The following B4GALNT3 variants were observed in gnomAD, a reference collection of about 807,000 sequenced individuals.
B4GALNT3 encodes the protein beta-1,4-N-acetylgalactosaminyltransferase 3.
B4GALNT3 carries 86 observed loss-of-function variants against 120.2 expected under a neutral mutation model. The ratio of observed to expected loss-of-function variants is 0.72; its 90% CI spans 0.60 to 0.86. The LOEUF (loss-of-function observed/expected upper bound fraction) is 0.86, where lower values mean the gene tolerates loss of function less well. Ranked by LOEUF, B4GALNT3 falls within the 40% of genes least tolerant of loss-of-function variation. The probability of loss-of-function intolerance (pLI) is 0.00; values close to 1 mark genes in which losing one functional copy is unlikely to be tolerated. For missense variants in B4GALNT3, 1,167 were observed against 1,298.9 expected (o/e 0.90, Z 1.56); for synonymous variants, 518 against 510.4 (o/e 1.01, Z -0.20).
At chr12:492,897 C>CAA (rs368327845) in intron 1 of B4GALNT3, among the ~76,000 whole-genome samples, 84 of 122,078 alleles carry the variant, frequency 6.9e-4, no homozygotes, top group Admixed American at 9.9e-4. Flanking sequence ...TGCACATATG[C>CAA]AAAAAAAAAA....
chr12:462,450 C>T (rs1009072018), intron 1 of B4GALNT3, among the ~76,000 whole-genome samples: 2 of 150,572 alleles, frequency 1.3e-5, no homozygotes, highest in African/African-American at 2.5e-5. Flanking sequence ...CTCTGTCTCC[C>T]GTGGGCCGCC....
chr12:502,545 AAGG>A (rs1299047534), intron 1 of B4GALNT3, among the ~76,000 whole-genome samples: 1 of 91,492 alleles, frequency 1.1e-5, no homozygotes, highest in Non-Finnish European at 2.1e-5. Context: ...TGGAAAGAGA[AAGG>A]AGAAACAGGC....
chr12:475,539 C>G (rs531320098), intron 1 of B4GALNT3, among the ~76,000 whole-genome samples: 2 of 152,230 alleles, frequency 1.3e-5, no homozygotes, highest in African/African-American at 4.8e-5. Flanking sequence ...TGGGCTTGGT[C>G]TTCCCTTGGG....
intron 1 of B4GALNT3, among the ~76,000 whole-genome samples, chr12:491,663 T>C (rs1946340807): frequency 6.6e-6 from 1 of 151,938 alleles, no homozygotes; most frequent in South Asian, 2.1e-4. Context: ...AAACTAGGAA[T>C]AGAGGGGAAC....
chr12:489,683 C>G (rs1024646547), intron 1 of B4GALNT3, among the ~76,000 whole-genome samples: 7 of 152,324 alleles, frequency 4.6e-5, no homozygotes, highest in African/African-American at 1.4e-4. Flanking sequence ...ACTTCAACAT[C>G]TCTCTAGAAA....
At chr12:492,842 A>T (rs996247781) in intron 1 of B4GALNT3, among the ~76,000 whole-genome samples, 6 of 152,134 alleles carry the variant, frequency 3.9e-5, no homozygotes, top group African/African-American at 1.4e-4. Context: ...TTGATAGAAA[A>T]GCAAAGACAT....
At chr12:514,858 G>A (rs145676080) in intron 1 of B4GALNT3, among the ~76,000 whole-genome samples, 7,814 of 151,858 alleles carry the variant, frequency 0.051, 460 homozygotes, top group African/African-American at 0.14. Flanking sequence ...GTGAAACCTC[G>A]TCTCCACTAA....
chr12:548,389 G>A lies in B4GALNT3; in HGVS notation c.853+92G>A. The A allele has an allele frequency of 4.0e-6, 5 of 1,253,830 alleles. No individual in the cohort carries two copies. Among genetic ancestry groups the A allele is most frequent in the Non-Finnish European group, 5.8e-6 (5 of 863,304 alleles). The allele number at this position is 1,253,830 out of a possible 1,614,324, so 77.7% of individuals were successfully genotyped here. A position where few individuals can be genotyped will look rare whatever the true frequency, so the allele number is the denominator to read the frequency against. ...GGCAGGGGAGGAGGGGAGGAGGGGA[G>A]GAAGGAAGCTCGAGATGCTTGGGAC... On this transcript the variant is annotated intron_variant, in intron 9 of 19. Coordinates refer to ENST00000266383, the MANE Select transcript of B4GALNT3 (RefSeq NM_173593.4). The surrounding 1 kb of genome is among the most constrained non-coding windows in gnomAD (Gnocchi z 4.9).
At chr12:484,320 C>T (rs1467758946) in intron 1 of B4GALNT3, among the ~76,000 whole-genome samples, 1 of 152,086 alleles carries the variant, frequency 6.6e-6, no homozygotes, top group Non-Finnish European at 1.5e-5. Flanking sequence ...CTGTCCTTAC[C>T]CCACCCCTAA....
intron 1 of B4GALNT3, among the ~76,000 whole-genome samples, chr12:508,189 A>C (rs1043947138): frequency 6.6e-6 from 1 of 152,190 alleles, no homozygotes. Flanking sequence ...CATCCAATTC[A>C]TATTCGTTAA....
rs1254292320 is a variant in B4GALNT3 at position 553,770 on chromosome 12, A to G, written c.1847A>G (p.Glu616Gly). The G allele has an allele frequency of 6.2e-7, 1 of 1,614,062 alleles. No individual in the cohort carries two copies. Among genetic ancestry groups the G allele is most frequent in the African/African-American group, 1.3e-5 (1 of 74,926 alleles). ...GAGGGGGAAGAAGAGGAGGAGGAAG[A>G]GGATATGAGTGAGGTGTTCGAGTAC... ...EEEGEEEEEE[E>G]DMSEVFEYVP... Residue 616 changes from glutamate (E) to glycine (G), a missense_variant, in exon 14 of 20, where the codon GAG becomes GGG. Glu to Gly is a moderately conservative substitution (Grantham distance 98). This residue lies in a region of B4GALNT3 where 983 missense variants were observed against 1,102.5 expected (regional missense o/e 0.89). Coordinates refer to ENST00000266383, the MANE Select transcript of B4GALNT3 (RefSeq NM_173593.4).
intron 1 of B4GALNT3, among the ~76,000 whole-genome samples, chr12:512,235 TCCAC>T (rs1592032886): frequency 5.4e-5 from 4 of 73,600 alleles, no homozygotes; most frequent in Admixed American, 4.8e-4. Context: ...TCTTCCACCT[TCCAC>T]CTTCCACCTT....
intron 1 of B4GALNT3, among the ~76,000 whole-genome samples, chr12:511,508 C>CCTTCCACCTTCTACCTTCCGCCTTCG (rs1946559910): frequency 7.9e-6 from 1 of 127,374 alleles, no homozygotes; most frequent in African/African-American, 3.3e-5. Flanking sequence ...TTCCACCTTC[C>CCTTCCACCTTCTACCTTCCGCCTTCG]ACCTTCTTCC....
At chr12:560,451 A>G (rs1485354553) in intron 19 of B4GALNT3, among the ~76,000 whole-genome samples, 1 of 152,234 alleles carries the variant, frequency 6.6e-6, no homozygotes, top group East Asian at 1.9e-4. Flanking sequence ...TGAGTCTTGA[A>G]GAGAAGTTAA....
rs114055797 is a variant in B4GALNT3, at chr12:467,876, G to A, written c.169+7331G>A. ...AGAAACAGCTGTGCTTCTCTTGAGC[G>A]GTTTGTTTTAATTTCTATTGGTCAC... is the stretch of plus-strand genomic sequence containing the variant. On this transcript the variant is annotated intron_variant, in intron 1 of 19. Coordinates refer to ENST00000266383, the MANE Select transcript of B4GALNT3 (RefSeq NM_173593.4). Among the ~76,000 whole-genome samples the A allele has an allele frequency of 8.3e-3, 1,268 of 152,240 alleles. 27 individuals are homozygous for A. The highest frequency in any genetic ancestry group is 0.029 in the African/African-American group (1,200 of 41,540).
chr12:481,257 C>G (rs1484763764), intron 1 of B4GALNT3, among the ~76,000 whole-genome samples: 1 of 152,164 alleles, frequency 6.6e-6, no homozygotes. Context: ...TGAGCATCCC[C>G]GTGGCGTTCT....
chr12:519,385 C>G (rs1053211072), intron 1 of B4GALNT3, among the ~76,000 whole-genome samples: 7 of 152,178 alleles, frequency 4.6e-5, no homozygotes, highest in African/African-American at 1.7e-4. Flanking sequence ...CTCTGTGCCT[C>G]AGTTGTCTTC....
Position 460,408 on chromosome 12 carries a change from TG to T in B4GALNT3, c.33del (p.Leu12SerfsTer5). 1 of 1,513,354 alleles carries T rather than the reference TG, an allele frequency of 6.6e-7. No homozygotes were observed. Among genetic ancestry groups the T allele is most frequent in the South Asian group, 1.2e-5 (1 of 81,786 alleles). 93.7% of individuals were successfully genotyped at this position (1,513,354 alleles called of 1,614,324 possible). On this transcript the variant is annotated frameshift_variant, in exon 1 of 20. Transcript: ENST00000266383. LOFTEE classifies it high-confidence loss of function. The surrounding 1 kb of genome is among the most constrained non-coding windows in gnomAD (Gnocchi z 8.0). ...AGCCCCCGGGCCGCGCGGCCCCCGC[TG>T]CTCCTGCGCCCGGTGAAGCTGCTGC... MGSPRAARPP[L>X]LLRPVKLLRR...
chr12:472,124 T>C (rs73590344), intron 1 of B4GALNT3, among the ~76,000 whole-genome samples: 10,220 of 152,278 alleles, frequency 0.067, 598 homozygotes, highest in African/African-American at 0.16. Context: ...GTCTGGGGAA[T>C]ACAAACTTTT....
Sources: gnomAD v4.1 joint callset for allele counts (sites outside exome capture counted in the v4.1 genomes callset) on GRCh38, gnomAD v4.1.1 for gene constraint, gnomAD v4.1.1 regional missense constraint, Gnocchi (gnomAD v3.1) non-coding constraint, MANE v1.5 for transcripts, NCBI Gene and HGNC (gene_info 2026-07-23, HGNC 2026-07-21) for gene names.